The following PRMT3 variants were observed in gnomAD, a reference collection of about 807,000 sequenced individuals.
PRMT3 encodes protein arginine methyltransferase 3, also known as protein arginine N-methyltransferase 3.
Under a neutral mutation model 71.9 loss-of-function variants are expected in PRMT3, and 62 were observed. The observed-to-expected ratio is 0.86, with a 90% confidence interval of 0.70 to 1.07. The LOEUF is 1.07. PRMT3 is among the 50% of genes least tolerant of loss of function. The pLI is 0.00. For missense variants in PRMT3, 663 were observed against 643.0 expected (o/e 1.03, Z -0.34); for synonymous variants, 213 against 220.4 (o/e 0.97, Z 0.30).
At chr11:20,440,577 A>C (rs563289261) in intron 10 of PRMT3, among the ~76,000 whole-genome samples, 5 of 152,098 alleles carry the variant, frequency 3.3e-5, no homozygotes, top group African/African-American at 4.8e-5. Flanking sequence ...CACATTTAAG[A>C]GCATGAAAAG....
At position 20,407,760 on chromosome 11, in the gene PRMT3, A is replaced by T. The variant is rs1849102558; in HGVS notation, c.772-151A>T. ...TCCCAGCACTTTGGGAGGCCAAAGG[A>T]TTACAGGCGTGAGCCACCGCGCCTG... On this transcript the variant is annotated intron_variant, in intron 8 of 15. Transcript: ENST00000331079. 4 of 654,794 alleles carry T rather than the reference A, an allele frequency of 6.1e-6. 1 individual carries two copies. In the East Asian group the frequency reaches 1.3e-4, roughly 21 times the overall value. 40.6% of individuals were successfully genotyped at this position (654,794 alleles called of 1,614,324 possible).
chr11:20,406,547 GTC>G, intron 8 of PRMT3: 1 of 152,172 alleles, frequency 6.6e-6, no homozygotes, highest in South Asian at 2.1e-4. Flanking sequence ...TCATTCATCT[GTC>G]TATGGATATT....
intron 9 of PRMT3, among the ~76,000 whole-genome samples, chr11:20,415,542 A>G (rs1018335519): frequency 2.2e-5 from 3 of 138,708 alleles, no homozygotes; most frequent in Admixed American, 1.6e-4. Flanking sequence ...CACTTTTTCC[A>G]CTAGTTATAC....
In PRMT3 at chr11:20,404,695, T is replaced by C. The variant is rs1359335864; in HGVS notation, c.771+1711T>C. Reference sequence around the variant, plus strand: ...TTTTTATTTTATTTTTTCCTTAATATGTTATATAGAGATGAAACATGAGAA... The same window carrying C: ...TTTTTATTTTATTTTTTCCTTAATACGTTATATAGAGATGAAACATGAGAA... On this transcript the variant is annotated intron_variant, in intron 8 of 15. Coordinates refer to ENST00000331079, the MANE Select transcript of PRMT3 (RefSeq NM_005788.4). Among the ~76,000 whole-genome samples, 12 of 152,194 alleles carry C rather than the reference T, an allele frequency of 7.9e-5. 1 individual carries two copies. The highest frequency in any genetic ancestry group is 7.9e-4 in the Admixed American group (12 of 15,278).
rs1272795950 is a variant in PRMT3 at position 20,507,145 on chromosome 11, C to A, written c.1487-1159C>A. ...ACATGTACATCCCTTAAGCCTGGTT[C>A]TCCATGACTTCAGCCCTGGCATTGG... On this transcript the variant is annotated intron_variant, in intron 15 of 15. Transcript: ENST00000331079. Among the ~76,000 whole-genome samples the A allele has an allele frequency of 2.0e-5, 3 of 152,350 alleles. No individual in the cohort carries two copies. The East Asian group carries it at 5.8e-4, about 29-fold the overall frequency.
At chr11:20,458,403 A>G (rs908373639) in intron 11 of PRMT3, among the ~76,000 whole-genome samples, 2 of 152,220 alleles carry the variant, frequency 1.3e-5, no homozygotes, top group Non-Finnish European at 2.9e-5. Flanking sequence ...GAGCCATTCT[A>G]GTGACAAATG....
At chr11:20,471,429 C>T (rs1850642812) in intron 13 of PRMT3, among the ~76,000 whole-genome samples, 1 of 152,124 alleles carries the variant, frequency 6.6e-6, no homozygotes, top group Admixed American at 6.5e-5. Flanking sequence ...TAATTTTCTG[C>T]ACATGGCTAG....
chr11:20,428,403 G>A (rs1849590711), intron 10 of PRMT3, among the ~76,000 whole-genome samples: 1 of 152,148 alleles, frequency 6.6e-6, no homozygotes, highest in Non-Finnish European at 1.5e-5. Flanking sequence ...TGTTACCTCA[G>A]TTGAACATTA....
chr11:20,485,236 CA>C (rs79611999), intron 13 of PRMT3, among the ~76,000 whole-genome samples: 11,700 of 152,086 alleles, frequency 0.077, 549 homozygotes, highest in East Asian at 0.19. Context: ...CTTGCAGAAA[CA>C]AAAATTCTTT....
chr11:20,455,847 T>TAA (rs35551575), intron 11 of PRMT3, among the ~76,000 whole-genome samples: 7 of 144,678 alleles, frequency 4.8e-5, no homozygotes, highest in South Asian at 2.2e-4. Context: ...GACAATTGTG[T>TAA]AAAAAAAAAA....
At chr11:20,450,291 A>G (rs1034063429) in intron 10 of PRMT3, among the ~76,000 whole-genome samples, 4 of 152,116 alleles carry the variant, frequency 2.6e-5, no homozygotes, top group African/African-American at 9.6e-5. Flanking sequence ...TTACCAGCCA[A>G]TCTTTTCTTC....
intron 7 of PRMT3, among the ~76,000 whole-genome samples, chr11:20,402,371 G>A (rs1308093281): frequency 6.6e-6 from 1 of 151,932 alleles, no homozygotes; most frequent in Non-Finnish European, 1.5e-5. Context: ...CTCTTGCCTC[G>A]GCCTCCCAAA....
chr11:20,490,200 G>A (rs1019893677), intron 13 of PRMT3, among the ~76,000 whole-genome samples: 5 of 151,836 alleles, frequency 3.3e-5, no homozygotes, highest in African/African-American at 1.2e-4. Flanking sequence ...TCTGTTTAAT[G>A]TGTGCTGTGG....
intron 15 of PRMT3, among the ~76,000 whole-genome samples, chr11:20,507,495 G>A (rs1010353164): frequency 1.3e-5 from 2 of 152,220 alleles, no homozygotes; most frequent in Non-Finnish European, 2.9e-5. Context: ...ATGAAACAGG[G>A]CTGGGCGCAG....
rs921592489 is a variant in PRMT3 at position 20,463,899 on chromosome 11, A to AATG, written c.1261-560_1261-559insTGA. On this transcript the variant is annotated intron_variant, in intron 12 of 15. Coordinates refer to ENST00000331079, the MANE Select transcript of PRMT3 (RefSeq NM_005788.4). ...ATTTCGCTATTTTTTCTCTGGATCG[A>AATG]AATCTCCATAGTTTTGCTGTTTTGT... Among the ~76,000 whole-genome samples the AATG allele has an allele frequency of 7.1e-3, 28 of 3,960 alleles. No homozygotes were observed. The Non-Finnish European group carries it at 0.19, about 27-fold the overall frequency. 2.6% of individuals were successfully genotyped at this position (3,960 alleles called of 152,430 possible). A position where few individuals can be genotyped will look rare whatever the true frequency, so the allele number is the denominator to read the frequency against.
chr11:20,413,845 C>T (rs985231578), intron 9 of PRMT3, among the ~76,000 whole-genome samples: 5 of 152,054 alleles, frequency 3.3e-5, no homozygotes, highest in Admixed American at 2.6e-4. Flanking sequence ...TCTATAACAT[C>T]AGTCAACAAA....
intron 7 of PRMT3, among the ~76,000 whole-genome samples, chr11:20,398,891 A>G (rs1427710791): frequency 6.6e-6 from 1 of 152,204 alleles, no homozygotes; most frequent in African/African-American, 2.4e-5. Context: ...AAGTATCCCT[A>G]GCATTAAGCA....
chr11:20,405,726 TACTTA>T (rs1257662360), intron 8 of PRMT3: 1 of 152,258 alleles, frequency 6.6e-6, no homozygotes, highest in African/African-American at 2.4e-5. Flanking sequence ...TATCTTTCTA[TACTTA>T]ACTTTCTTCA....
chr11:20,427,275 A>G (rs1849568405), intron 10 of PRMT3, among the ~76,000 whole-genome samples: 1 of 152,220 alleles, frequency 6.6e-6, no homozygotes, highest in Non-Finnish European at 1.5e-5. Flanking sequence ...CTATCTTTCT[A>G]ATCTGTTGGG....
Sources: allele counts gnomAD v4.1 joint callset (sites outside exome capture counted in the v4.1 genomes callset), GRCh38; gene constraint gnomAD v4.1.1; transcripts MANE v1.5; gene names NCBI Gene and HGNC (gene_info 2026-07-23, HGNC 2026-07-21).